The following SUFU variants were observed in gnomAD, a reference collection of about 807,000 sequenced individuals.
The protein encoded by SUFU is suppressor of fused homolog.
SUFU carries 7 observed loss-of-function variants against 58.9 expected under a neutral mutation model. The observed-to-expected ratio is 0.12, with a 90% confidence interval of 0.07 to 0.22. SUFU has a LOEUF of 0.22. SUFU is among the 10% of genes least tolerant of loss of function. The pLI is 1.00. For synonymous variants in SUFU, 232 were observed against 254.8 expected (o/e 0.91, Z 0.85); for missense variants, 451 against 641.3 (o/e 0.70, Z 3.20).
intron 2 of SUFU, among the ~76,000 whole-genome samples, chr10:102,519,724 A>T (rs1436638288): frequency 1.3e-5 from 2 of 152,106 alleles, no homozygotes; most frequent in African/African-American, 4.8e-5. Context: ...GTCATTTAAA[A>T]TTTTTTAAAT....
At chr10:102,535,936 TGATGATGA>T (rs2062734223) in intron 2 of SUFU, among the ~76,000 whole-genome samples, 2 of 73,906 alleles carry the variant, frequency 2.7e-5, no homozygotes, top group African/African-American at 4.2e-5. Context: ...CTGGAGATGA[TGATGATGA>T]TGATGATGAT....
chr10:102,524,190 T>C lies in SUFU; in HGVS notation c.317+14887T>C, dbSNP rs544520386. On this transcript the variant is annotated intron_variant, in intron 2 of 11. Coordinates refer to ENST00000369902, the MANE Select transcript of SUFU (RefSeq NM_016169.4). ...TTTTAAAAAGTTATATATATTTGTA[T>C]AGTCAGGGTCTCACTATGTTACCCA... 2.6e-5 allele frequency among the ~76,000 whole-genome samples: 4 copies of C among 152,244 alleles called. No homozygotes were observed. The South Asian group carries it at 8.3e-4, about 32-fold the overall frequency.
chr10:102,615,290 A>G lies in SUFU; in HGVS notation c.1045A>G (p.Ser349Gly), dbSNP rs368178771. The change falls in exon 9 of 12, where the codon AGT becomes GGT. Residue 349 changes from serine (S) to glycine (G), a missense_variant. Physicochemically the swap from Ser to Gly is moderately conservative, Grantham distance 56. Coordinates refer to ENST00000369902, the MANE Select transcript of SUFU (RefSeq NM_016169.4). ...RAPSRKDSLE[S>G]DSSTAIIPHE... ...CAGGAGCCGCAAAGACAGCCTGGAA[A>G]GTGACAGCTCCACGGCCATCATTCC... is the stretch of plus-strand genomic sequence containing the variant. 7.6e-5 allele frequency: 123 copies of G among 1,614,034 alleles called. No individual in the cohort carries two copies. Among genetic ancestry groups the G allele is most frequent in the Non-Finnish European group, 1.0e-4 (121 of 1,180,026 alleles).
intron 10 of SUFU, among the ~76,000 whole-genome samples, chr10:102,626,550 G>T (rs1459026318): frequency 6.6e-6 from 1 of 152,154 alleles, no homozygotes; most frequent in Non-Finnish European, 1.5e-5. Context: ...CAGGTCAGGG[G>T]CTTGGGAGCT....
At chr10:102,507,218 G>T (rs1465110159) in intron 1 of SUFU, among the ~76,000 whole-genome samples, 1 of 152,162 alleles carries the variant, frequency 6.6e-6, no homozygotes, top group Non-Finnish European at 1.5e-5. Flanking sequence ...ACACCTTGTG[G>T]GAGACTTGGT....
Position 102,617,408 on chromosome 10 carries a change from G to A in SUFU, c.1276G>A (p.Ala426Thr), listed in dbSNP as rs1189930416. 6.2e-7 allele frequency: 1 copy of A among 1,614,234 alleles called. No homozygotes were observed. The highest frequency in any genetic ancestry group is 8.5e-7 in the Non-Finnish European group (1 of 1,180,040). The change falls in exon 10 of 12, where the codon GCT (alanine) becomes ACT (threonine). Residue 426 changes from alanine to threonine, a missense_variant. By Grantham distance (58) the Ala-to-Thr change is moderately conservative. Transcript: ENST00000369902. The surrounding 1 kb of genome is among the most constrained non-coding windows in gnomAD (Gnocchi z 4.4). The stretch of plus-strand genomic sequence containing the variant: ...TGCCACTGAGGAGCATCCTTACGCG[G>A]CTCATGGACCCTGGTTACAAGTGAG... ...AFATEEHPYA[A>T]HGPWLQILLT...
Position 102,509,255 on chromosome 10 carries a change from A to G in SUFU, c.269A>G (p.Tyr90Cys). The G allele has an allele frequency of 6.2e-7, 1 of 1,614,178 alleles. No homozygotes were observed. Among genetic ancestry groups the G allele is most frequent in the Non-Finnish European group, 8.5e-7 (1 of 1,180,036 alleles). The change falls in exon 2 of 12, where the codon TAC (tyrosine) becomes TGC (cysteine). Residue 90 changes from tyrosine (Y) to cysteine (C), a missense_variant. Tyr to Cys is a radical substitution (Grantham distance 194). Coordinates refer to ENST00000369902, the MANE Select transcript of SUFU (RefSeq NM_016169.4). ...PSANIPEHWH[Y>C]ISFGLSDLYG... ...GCTAACATCCCCGAGCACTGGCACTACATCAGCTTCGGCCTGAGTGATCTC... is the reference window on the plus strand; with the variant it reads ...GCTAACATCCCCGAGCACTGGCACTGCATCAGCTTCGGCCTGAGTGATCTC...
intron 4 of SUFU, among the ~76,000 whole-genome samples, chr10:102,593,376 TAAGAGC>T (rs2063424102): frequency 6.6e-6 from 1 of 152,170 alleles, no homozygotes; most frequent in African/African-American, 2.4e-5. Context: ...CCTTTGTAGC[TAAGAGC>T]TAGACTTGGT....
intron 6 of SUFU, 140 bp from the exon 7 acceptor site, chr10:102,597,000 G>T: frequency 1.0e-6 from 1 of 1,003,442 alleles, no homozygotes. Context: ...CAAGGTCAGA[G>T]ATCCTGCTCT....
At chr10:102,615,172 G>C in intron 8 of SUFU, 96 bp from the exon 9 acceptor site, 3 of 1,556,764 alleles carry the variant, frequency 1.9e-6, no homozygotes, top group Non-Finnish European at 2.6e-6. Flanking sequence ...CACCATTATT[G>C]TCTTTATTAC....
intron 2 of SUFU, among the ~76,000 whole-genome samples, chr10:102,524,325 T>C (rs1445685901): frequency 3.8e-5 from 4 of 106,444 alleles, no homozygotes; most frequent in African/African-American, 1.5e-4. Context: ...TTTTCTTTTC[T>C]TTTCTTTTTT....
chr10:102,622,370 G>T (rs951869704), intron 10 of SUFU, among the ~76,000 whole-genome samples: 1 of 152,224 alleles, frequency 6.6e-6, no homozygotes, highest in Non-Finnish European at 1.5e-5. Context: ...AGCACTTTGG[G>T]AGGCTGAGGT....
rs118106459 is a variant in SUFU, at chr10:102,581,580, C to A, written c.455-11002C>A. Among the ~76,000 whole-genome samples the A allele has an allele frequency of 3.4e-4, 52 of 152,278 alleles. No homozygotes were observed. The East Asian group carries it at 9.2e-3, about 27-fold the overall frequency. ...GCTCCGCTGCGCAGTCCACCATGGCCGCAGCAGTAGCAGCTTGAGCCTTCT... is the reference window on the plus strand; with the variant it reads ...GCTCCGCTGCGCAGTCCACCATGGCAGCAGCAGTAGCAGCTTGAGCCTTCT... On this transcript the variant is annotated intron_variant, in intron 3 of 11. Coordinates refer to ENST00000369902, the MANE Select transcript of SUFU (RefSeq NM_016169.4).
chr10:102,619,410 G>A lies in SUFU; in HGVS notation c.1296+1982G>A, dbSNP rs1487710931. ...CAGGGAACCGGGGCGCGGTGGGAAC[G>A]AGCTGCTGGCCTCGGCATGTTTCAA... On this transcript the variant is annotated intron_variant, in intron 10 of 11. Coordinates refer to ENST00000369902, the MANE Select transcript of SUFU (RefSeq NM_016169.4). This position sits in a 1 kb window ranked among gnomAD's most constrained non-coding sequence, Gnocchi z 4.2. The A allele has an allele frequency of 9.5e-6, 13 of 1,364,240 alleles. No individual in the cohort carries two copies. The Admixed American group carries it at 2.5e-4, about 26-fold the overall frequency. The allele number at this position is 1,364,240 out of a possible 1,614,324, so 84.5% of individuals were successfully genotyped here.
At chr10:102,541,948 G>A (rs1376137055) in intron 2 of SUFU, among the ~76,000 whole-genome samples, 2 of 144,770 alleles carry the variant, frequency 1.4e-5, no homozygotes, top group African/African-American at 2.6e-5. Flanking sequence ...ATGATGGTGC[G>A]ATCTTGGCTC....
chr10:102,513,479 TA>T (rs1272216781), intron 2 of SUFU, among the ~76,000 whole-genome samples: 1 of 152,220 alleles, frequency 6.6e-6, no homozygotes, highest in Non-Finnish European at 1.5e-5. Flanking sequence ...TCTTGGGGGA[TA>T]AAATAGCAAG....
At chr10:102,521,517 T>A (rs2062551252) in intron 2 of SUFU, among the ~76,000 whole-genome samples, 1 of 152,174 alleles carries the variant, frequency 6.6e-6, no homozygotes, top group Non-Finnish European at 1.5e-5. Flanking sequence ...GTTCTCCACC[T>A]TATATTCTCC....
chr10:102,556,132 C>CGAAT (rs1490530623), intron 3 of SUFU, among the ~76,000 whole-genome samples: 3 of 151,964 alleles, frequency 2.0e-5, no homozygotes, highest in Non-Finnish European at 4.4e-5. Context: ...CAGTGGGAGG[C>CGAAT]GAATGAAAGG....
intron 9 of SUFU, among the ~76,000 whole-genome samples, chr10:102,616,597 A>G (rs889446663): frequency 6.6e-6 from 1 of 152,264 alleles, no homozygotes; most frequent in African/African-American, 2.4e-5. Context: ...GGCAGAGGGC[A>G]GGTTCCACTT....
Sources: allele counts gnomAD v4.1 joint callset (sites outside exome capture counted in the v4.1 genomes callset), GRCh38; gene constraint gnomAD v4.1.1; non-coding constraint Gnocchi (gnomAD v3.1); transcripts MANE v1.5; gene names NCBI Gene and HGNC (gene_info 2026-07-23, HGNC 2026-07-21).